DYTN: variants seen among roughly 807,000 people sequenced by gnomAD.
DYTN encodes dystrotelin.
Under a neutral mutation model 69.6 loss-of-function variants are expected in DYTN, and 75 were observed. That is an observed-to-expected ratio of 1.08 (90% CI 0.89 to 1.31). The LOEUF is 1.31. DYTN is among the 50% of genes most tolerant of loss of function. The pLI is 0.00. For missense variants in DYTN, 726 were observed against 688.4 expected, an observed-to-expected ratio of 1.05 and a Z score of -0.61; for synonymous variants, 252 against 249.1, an observed-to-expected ratio of 1.01 and a Z score of -0.11.
intron 1 of DYTN, among the ~76,000 whole-genome samples, chr2:206,716,630 G>A (rs1263246376): frequency 6.6e-6 from 1 of 151,888 alleles, no homozygotes; most frequent in Admixed American, 6.5e-5. Context: ...GGAGATGTCA[G>A]AAACTCCTCT....
intron 8 of DYTN, among the ~76,000 whole-genome samples, chr2:206,693,838 C>T (rs1465181202): frequency 6.6e-6 from 1 of 152,124 alleles, no homozygotes; most frequent in African/African-American, 2.4e-5. Flanking sequence ...AAATTTAAAG[C>T]GTAATAACAA....
At chr2:206,652,315 G>A (rs2105884649) in intron 11 of DYTN, among the ~76,000 whole-genome samples, 1 of 152,240 alleles carries the variant, frequency 6.6e-6, no homozygotes, top group South Asian at 2.1e-4. Context: ...TTATTGTTAA[G>A]TTCCCAGGTG....
In DYTN at chr2:206,662,936, GT is replaced by G. The variant is rs759834152; in HGVS notation, c.1599del (p.Lys533AsnfsTer8). 2 of 1,613,596 alleles carry G rather than the reference GT, an allele frequency of 1.2e-6. No individual in the cohort carries two copies. Among genetic ancestry groups the G allele is most frequent in the Non-Finnish European group, 1.7e-6 (2 of 1,179,822 alleles). On this transcript the variant is annotated frameshift_variant, in exon 11 of 12. Coordinates refer to ENST00000452335, the MANE Select transcript of DYTN (RefSeq NM_001093730.1). LOFTEE classifies it low-confidence loss of function (END_TRUNC). ...EEEELQELLS[K>X]LMDAFNLETP... is the part of the protein sequence containing the mutation. The stretch of plus-strand genomic sequence containing the variant: ...GTTTCTAGATTGAAGGCATCCATAA[GT>G]TTTGACAATAGTTCTTGCAGTTCCT...
At chr2:206,659,484 CAAAAAA>C (rs772861150) in intron 11 of DYTN, among the ~76,000 whole-genome samples, 802 of 64,538 alleles carry the variant, frequency 0.012, 8 homozygotes, top group African/African-American at 0.029. Flanking sequence ...CAACAATTCT[CAAAAAA>C]AAAAAAAAAA....
At chr2:206,704,096 C>A (rs182920327) in intron 5 of DYTN, among the ~76,000 whole-genome samples, 1 of 152,286 alleles carries the variant, frequency 6.6e-6, no homozygotes, top group East Asian at 1.9e-4. Context: ...CTCGACATGG[C>A]ACTCCATCTA....
At chr2:206,678,987 G>T (rs1303633374) in intron 9 of DYTN, 1 of 152,104 alleles carries the variant, frequency 6.6e-6, no homozygotes, top group Non-Finnish European at 1.5e-5. Context: ...TTGTGCTTTA[G>T]TAGCAGTTCC....
rs551244163 is a variant in DYTN at position 206,670,858 on chromosome 2, A to G, written c.981-4829T>C. ...CCTGAATGTCTTCTTCCCCAAAGGC[A>G]TCTACAGGAAGCAGTTGAGTCACTT... On this transcript the variant is annotated intron_variant, in intron 9 of 11. Transcript: ENST00000452335. Among the ~76,000 whole-genome samples the G allele has an allele frequency of 2.7e-4, 41 of 152,330 alleles. 1 individual carries two copies. Among genetic ancestry groups the G allele is most frequent in the Admixed American group, 2.5e-3 (39 of 15,302 alleles).
chr2:206,692,359 T>G (rs1429680613), intron 9 of DYTN, among the ~76,000 whole-genome samples: 1 of 152,038 alleles, frequency 6.6e-6, no homozygotes, highest in African/African-American at 2.4e-5. Context: ...CACAAAAACC[T>G]TTTAAAGGTC....
chr2:206,672,004 T>C (rs554828927), intron 9 of DYTN, among the ~76,000 whole-genome samples: 1 of 152,310 alleles, frequency 6.6e-6, no homozygotes, highest in Non-Finnish European at 1.5e-5. Context: ...ATAGACACTA[T>C]CCATTTGCCC....
At position 206,686,120 on chromosome 2, in the gene DYTN, T is replaced by C. The variant is rs191190142; in HGVS notation, c.980+7055A>G. 1.6e-3 allele frequency among the ~76,000 whole-genome samples: 244 copies of C among 152,222 alleles called. 7 individuals are homozygous for C. Among genetic ancestry groups the C allele is most frequent in the Middle Eastern group, 0.01 (3 of 294 alleles). ...TGTGGGGAGTGCTCAGCTACTTTCA[T>C]TATTAGCGAGTCAGAGAGAAGTTTC... On this transcript the variant is annotated intron_variant, in intron 9 of 11. Coordinates refer to ENST00000452335, the MANE Select transcript of DYTN (RefSeq NM_001093730.1).
intron 11 of DYTN, among the ~76,000 whole-genome samples, chr2:206,654,212 T>C (rs1334590657): frequency 6.6e-6 from 1 of 152,222 alleles, no homozygotes; most frequent in East Asian, 1.9e-4. Flanking sequence ...AAGCAATGAA[T>C]ATAGTGAATC....
At chr2:206,654,208 T>C (rs1219679964) in intron 11 of DYTN, among the ~76,000 whole-genome samples, 1 of 152,202 alleles carries the variant, frequency 6.6e-6, no homozygotes, top group Non-Finnish European at 1.5e-5. Context: ...TATGAAGCAA[T>C]GAATATAGTG....
chr2:206,703,525 A>G (rs1048717666), intron 5 of DYTN, among the ~76,000 whole-genome samples: 2 of 152,200 alleles, frequency 1.3e-5, no homozygotes, highest in Admixed American at 1.3e-4. Flanking sequence ...TAAAAAAAAA[A>G]TCATTGCTCC....
At chr2:206,694,062 T>G (rs1330077468) in intron 8 of DYTN, among the ~76,000 whole-genome samples, 1 of 152,176 alleles carries the variant, frequency 6.6e-6, no homozygotes, top group African/African-American at 2.4e-5. Context: ...TCAACATCCT[T>G]CGCTATTGTG....
chr2:206,679,735 T>C (rs1699729793), intron 9 of DYTN, among the ~76,000 whole-genome samples: 1 of 152,218 alleles, frequency 6.6e-6, no homozygotes, highest in Non-Finnish European at 1.5e-5. Context: ...CATTATGCTT[T>C]CTACAAGACA....
At chr2:206,678,237 A>G (rs1450772326) in intron 9 of DYTN, among the ~76,000 whole-genome samples, 1 of 152,248 alleles carries the variant, frequency 6.6e-6, no homozygotes, top group Non-Finnish European at 1.5e-5. Flanking sequence ...AGTCAGAGAA[A>G]TGCAAATTAA....
At chr2:206,658,102 T>C (rs1050310012) in intron 11 of DYTN, among the ~76,000 whole-genome samples, 1 of 152,122 alleles carries the variant, frequency 6.6e-6, no homozygotes, top group Non-Finnish European at 1.5e-5. Flanking sequence ...TTGGGTTTGC[T>C]GATTTTTCTG....
intron 9 of DYTN, among the ~76,000 whole-genome samples, chr2:206,669,575 A>T (rs997739523): frequency 6.6e-6 from 1 of 152,234 alleles, no homozygotes; most frequent in African/African-American, 2.4e-5. Flanking sequence ...GACATGGATT[A>T]TATCAAAGGG....
chr2:206,669,345 C>T (rs1383114916), intron 9 of DYTN, among the ~76,000 whole-genome samples: 7 of 152,188 alleles, frequency 4.6e-5, no homozygotes, highest in Non-Finnish European at 2.9e-5. Context: ...TGATCCAAGA[C>T]TGTAATTCAG....
Sources: gnomAD v4.1 joint callset for allele counts (sites outside exome capture counted in the v4.1 genomes callset) on GRCh38, gnomAD v4.1.1 for gene constraint, MANE v1.5 for transcripts, NCBI Gene and HGNC (gene_info 2026-07-23, HGNC 2026-07-21) for gene names.